The following CACNG5 variants were observed in gnomAD, a reference collection of about 807,000 sequenced individuals.
CACNG5 encodes the protein calcium voltage-gated channel auxiliary subunit gamma 5.
A neutral mutation model predicts 24.8 loss-of-function variants in CACNG5; 18 were observed. The observed-to-expected ratio is 0.73, with a 90% confidence interval of 0.50 to 1.08. The LOEUF is 1.08. CACNG5 is among the 50% of genes least tolerant of loss of function. The probability of loss-of-function intolerance (pLI) is 0.00; values close to 1 mark genes in which losing one functional copy is unlikely to be tolerated. For missense variants in CACNG5, 349 were observed against 367.9 expected (o/e 0.95, Z 0.42); for synonymous variants, 157 against 149.1 (o/e 1.05, Z -0.39).
intron 1 of CACNG5, among the ~76,000 whole-genome samples, chr17:66,852,623 T>A (rs1017881728): frequency 3.9e-5 from 6 of 152,224 alleles, no homozygotes; most frequent in African/African-American, 1.2e-4. Flanking sequence ...CTTCTAGGTA[T>A]ACACTTTGAT....
At chr17:66,838,793 C>A (rs979936749) in intron 1 of CACNG5, among the ~76,000 whole-genome samples, 9 of 151,970 alleles carry the variant, frequency 5.9e-5, no homozygotes, top group African/African-American at 2.2e-4. Flanking sequence ...CATGTGCTGG[C>A]TGCTGTTCTA....
At chr17:66,873,144 C>G (rs920082545) in intron 1 of CACNG5, among the ~76,000 whole-genome samples, 1 of 152,250 alleles carries the variant, frequency 6.6e-6, no homozygotes, top group South Asian at 2.1e-4. Flanking sequence ...ACAGGGTTAT[C>G]GTGAGGTCCT....
Position 66,836,340 on chromosome 17 carries a change from G to A in CACNG5, c.-104+1090G>A, listed in dbSNP as rs73994639. Among the ~76,000 whole-genome samples the A allele has an allele frequency of 2.4e-3, 367 of 152,304 alleles. 2 individuals carry two copies. Among genetic ancestry groups the A allele is most frequent in the African/African-American group, 8.4e-3 (348 of 41,556 alleles). ...TCCATCCTGGGGAACACAAGATGGG[G>A]CTTCCCCTCCCAGCCACCTCACACC... On this transcript the variant is annotated intron_variant, in intron 1 of 5. Transcript: ENST00000533854.
At position 66,875,784 on chromosome 17, in the gene CACNG5, A is replaced by G. The variant is rs9890001; in HGVS notation, c.-103-1446A>G. ...CAGTTTCAAAAGTTCTGACTTTGCA[A>G]TATTGCAAGGTGCCAGTGAAAGATG... is the stretch of plus-strand genomic sequence containing the variant. On this transcript the variant is annotated intron_variant, in intron 1 of 5. Transcript: ENST00000533854. Among the ~76,000 whole-genome samples the G allele has an allele frequency of 9.7e-3, 1,484 of 152,300 alleles. 18 individuals carry two copies. The highest frequency in any genetic ancestry group is 0.034 in the African/African-American group (1,423 of 41,554).
intron 1 of CACNG5, among the ~76,000 whole-genome samples, chr17:66,836,487 G>A (rs993785303): frequency 2.0e-5 from 3 of 152,212 alleles, no homozygotes; most frequent in African/African-American, 7.2e-5. Flanking sequence ...AGGACCACAG[G>A]CATCTCAGTG....
In CACNG5 at chr17:66,891,755, A is replaced by C. The variant is rs1191838490; in HGVS notation, c.*6515A>C. Among the ~76,000 whole-genome samples the C allele has an allele frequency of 1.3e-5, 2 of 152,226 alleles. No homozygotes were observed. Among genetic ancestry groups the C allele is most frequent in the African/African-American group, 4.8e-5 (2 of 41,468 alleles). ...GTCAGAGTTCCATTGTGAGGAACAC[A>C]TGAGAGATGGGATCTATGGTAGCAA... On this transcript the variant is annotated 3_prime_UTR_variant, in exon 6 of 6. Coordinates refer to ENST00000533854, the MANE Select transcript of CACNG5 (RefSeq NM_145811.3).
intron 1 of CACNG5, among the ~76,000 whole-genome samples, chr17:66,842,281 C>T (rs1056135242): frequency 1.3e-5 from 2 of 152,220 alleles, no homozygotes; most frequent in Admixed American, 1.3e-4. Flanking sequence ...CCACCCACTG[C>T]CCCAGGACCT....
intron 1 of CACNG5, among the ~76,000 whole-genome samples, chr17:66,859,526 T>A (rs1976827521): frequency 6.6e-6 from 1 of 152,182 alleles, no homozygotes; most frequent in Non-Finnish European, 1.5e-5. Flanking sequence ...CCTTATTTGG[T>A]TGTCTTGTGA....
chr17:66,842,668 C>T (rs1976584761), intron 1 of CACNG5, among the ~76,000 whole-genome samples: 1 of 152,190 alleles, frequency 6.6e-6, no homozygotes, highest in Non-Finnish European at 1.5e-5. Context: ...GCCTCTCTAA[C>T]ACCAGGGCCA....
chr17:66,860,870 T>TA (rs1976845415), intron 1 of CACNG5, among the ~76,000 whole-genome samples: 1 of 151,780 alleles, frequency 6.6e-6, no homozygotes, highest in Admixed American at 6.6e-5. Flanking sequence ...TTTTTTTTTT[T>TA]AGCTCATCAG....
At chr17:66,840,962 A>G (rs1976558562) in intron 1 of CACNG5, among the ~76,000 whole-genome samples, 1 of 152,168 alleles carries the variant, frequency 6.6e-6, no homozygotes, top group African/African-American at 2.4e-5. Context: ...TCACAGCCAT[A>G]TGACTTTGCT....
rs967197124 is a variant in CACNG5, at chr17:66,891,425, A to G, written c.*6185A>G. On this transcript the variant is annotated 3_prime_UTR_variant, in exon 6 of 6. Coordinates refer to ENST00000533854, the MANE Select transcript of CACNG5 (RefSeq NM_145811.3). ...CACTCAGGATCTCCCAGGCAGTTGG[A>G]GTCAGACAGTGGCTGTCATTTCAAA... Among the ~76,000 whole-genome samples the G allele has an allele frequency of 1.3e-5, 2 of 152,180 alleles. No homozygotes were observed. The highest frequency in any genetic ancestry group is 1.5e-5 in the Non-Finnish European group (1 of 68,034).
rs147039116 is a variant in CACNG5, at chr17:66,880,380, C to T, written c.284-177C>T. On this transcript the variant is annotated intron_variant, in intron 3 of 5. Coordinates refer to ENST00000533854, the MANE Select transcript of CACNG5 (RefSeq NM_145811.3). ...CCGGGCCCACCTCAGGGACAAAAGCCCTGCTAGTAATGGGAGATCCCCAGG... is the reference window on the plus strand; with the variant it reads ...CCGGGCCCACCTCAGGGACAAAAGCTCTGCTAGTAATGGGAGATCCCCAGG... Among the ~76,000 whole-genome samples, 306 of 152,250 alleles carry T rather than the reference C, an allele frequency of 2.0e-3. 1 individual carries two copies. Among genetic ancestry groups the T allele is most frequent in the African/African-American group, 6.5e-3 (271 of 41,546 alleles).
intron 1 of CACNG5, among the ~76,000 whole-genome samples, chr17:66,863,873 T>G (rs1245925673): frequency 6.6e-6 from 1 of 152,254 alleles, no homozygotes; most frequent in East Asian, 1.9e-4. Context: ...GAGGGATATT[T>G]TTACTGGACA....
chr17:66,864,723 C>T (rs1223497044), intron 1 of CACNG5, among the ~76,000 whole-genome samples: 1 of 152,084 alleles, frequency 6.6e-6, no homozygotes. Context: ...CTGGTAGTTC[C>T]CACTCATTTA....
chr17:66,872,906 A>G (rs1032740316), intron 1 of CACNG5, among the ~76,000 whole-genome samples: 10 of 152,360 alleles, frequency 6.6e-5, no homozygotes, highest in Admixed American at 3.9e-4. Context: ...TGTGTCTCGT[A>G]CATTTCTAGA....
intron 1 of CACNG5, among the ~76,000 whole-genome samples, chr17:66,862,678 G>C (rs1254817444): frequency 1.7e-5 from 2 of 120,212 alleles, no homozygotes; most frequent in Non-Finnish European, 3.2e-5. Flanking sequence ...CCCCAGCATT[G>C]GTCATTGAAG....
intron 1 of CACNG5, among the ~76,000 whole-genome samples, chr17:66,864,522 A>G (rs548420497): frequency 2.7e-4 from 41 of 152,326 alleles, no homozygotes; most frequent in Admixed American, 1.8e-3. Context: ...TTGCTCTCCA[A>G]TGTCTTCAAA....
Position 66,886,538 on chromosome 17 carries a change from C to T in CACNG5, c.*1298C>T, listed in dbSNP as rs193140932. On this transcript the variant is annotated 3_prime_UTR_variant, in exon 6 of 6. Transcript: ENST00000533854. Reference sequence around the variant, plus strand: ...TTCAGCTCTCCAAGTGTCAGCTTAGCTTAGATGTTTTTGGTTTTGAGATTT... The same window carrying T: ...TTCAGCTCTCCAAGTGTCAGCTTAGTTTAGATGTTTTTGGTTTTGAGATTT... Among the ~76,000 whole-genome samples, 4 of 152,326 alleles carry T rather than the reference C, an allele frequency of 2.6e-5. No homozygotes were observed. In the East Asian group the frequency reaches 7.7e-4, roughly 29 times the overall value.
Sources: allele counts gnomAD v4.1 joint callset (sites outside exome capture counted in the v4.1 genomes callset), GRCh38; gene constraint gnomAD v4.1.1; transcripts MANE v1.5; gene names NCBI Gene and HGNC (gene_info 2026-07-23, HGNC 2026-07-21).